The following PINX1 variants were observed in gnomAD, a reference collection of about 807,000 sequenced individuals.
The protein encoded by PINX1 is PIN2 (TERF1) interacting telomerase inhibitor 1.
Under a neutral mutation model 25.4 loss-of-function variants are expected in PINX1, and 34 were observed. The ratio of observed to expected loss-of-function variants is 1.34; its 90% CI spans 1.02 to 1.78. The LOEUF is 1.78. Among genes scored for constraint, PINX1 ranks in the 40% most tolerant of loss-of-function variants. The pLI, the probability that PINX1 is intolerant of heterozygous loss-of-function variation, is 0.00. For missense variants in PINX1, 592 were observed against 404.9 expected, an observed-to-expected ratio of 1.46 and a Z score of -3.97; for synonymous variants, 197 against 147.7, an observed-to-expected ratio of 1.33 and a Z score of -2.42.
rs192646359 is a variant in PINX1, at chr8:10,831,642, C to A, written c.301+23G>T. The A allele has an allele frequency of 7.5e-6, 11 of 1,469,868 alleles. No homozygotes were observed. In the African/African-American group the frequency reaches 1.1e-4, roughly 15 times the overall value. 91.1% of individuals were successfully genotyped at this position (1,469,868 alleles called of 1,614,324 possible). On this transcript the variant is annotated intron_variant, in intron 4 of 6. Coordinates refer to ENST00000314787, the MANE Select transcript of PINX1 (RefSeq NM_017884.6). ...TAGATAAACATATTTGCATTGAGAA[C>A]TTATGTCATCTGATTTCCCTACCTG...
rs143225584 is a variant in PINX1 at position 10,832,925 on chromosome 8, G to C, written c.189C>G (p.Asn63Lys). ...TGATGGTAGCTCCGAGTCCCAGGTG[G>C]TTATTTTTCACTTGAACTTTAATAT... ...TDHIKVQVKN[N>K]HLGLGATINN... The change falls in exon 3 of 7, where the codon AAC becomes AAG. Residue 63 changes from asparagine to lysine, a missense_variant. Transcript: ENST00000314787. 13 of 1,612,114 alleles carry C rather than the reference G, an allele frequency of 8.1e-6. No homozygotes were observed. The highest frequency in any genetic ancestry group is 1.1e-5 in the Non-Finnish European group (13 of 1,178,712).
At chr8:10,800,454 T>C (rs1255820178) in intron 6 of PINX1, among the ~76,000 whole-genome samples, 1 of 151,760 alleles carries the variant, frequency 6.6e-6, no homozygotes. Flanking sequence ...ATTTACATGA[T>C]CTGACTGAGA....
At chr8:10,783,642 G>C (rs10095737) in intron 6 of PINX1, among the ~76,000 whole-genome samples, 17 of 152,172 alleles carry the variant, frequency 1.1e-4, no homozygotes, top group Non-Finnish European at 2.2e-4. Flanking sequence ...TTCCTGATGA[G>C]GTTGTGAACA....
intron 6 of PINX1, among the ~76,000 whole-genome samples, chr8:10,775,260 C>A (rs1801351620): frequency 1.3e-5 from 2 of 152,138 alleles, no homozygotes; most frequent in African/African-American, 2.4e-5. Context: ...TGTTCAGAAT[C>A]CAAAAAGGTT....
chr8:10,818,597 G>A lies in PINX1; in HGVS notation c.471+1596C>T, dbSNP rs554478478. ...GGAGGGCAAAGGCTGGGGGTGGTGG[G>A]TGAGCAGCAGGCAGAAGAGAGGATC... On this transcript the variant is annotated intron_variant, in intron 6 of 6. Transcript: ENST00000314787. 2.2e-4 allele frequency among the ~76,000 whole-genome samples: 34 copies of A among 152,284 alleles called. No homozygotes were observed. The South Asian group carries it at 7.0e-3, about 32-fold the overall frequency.
intron 6 of PINX1, among the ~76,000 whole-genome samples, chr8:10,810,854 G>C (rs1326185719): frequency 2.0e-5 from 3 of 152,252 alleles, no homozygotes; most frequent in Non-Finnish European, 2.9e-5. Flanking sequence ...CAAAATGGCA[G>C]ACAGGAGTCA....
chr8:10,807,065 C>G (rs1023900621), intron 6 of PINX1, among the ~76,000 whole-genome samples: 1 of 152,102 alleles, frequency 6.6e-6, no homozygotes, highest in Non-Finnish European at 1.5e-5. Flanking sequence ...GAAATCCTCC[C>G]TCATGAAGGG....
rs754026759 is a variant in PINX1 at position 10,765,871 on chromosome 8, T to C, written c.517A>G (p.Thr173Ala). The C allele has an allele frequency of 4.2e-5, 68 of 1,613,834 alleles. No individual in the cohort carries two copies. In the Middle Eastern group the frequency reaches 6.6e-4, roughly 16 times the overall value. The change falls in exon 7 of 7, where the codon ACC becomes GCC. Residue 173 changes from threonine to alanine, a missense_variant. Transcript: ENST00000314787. ...TACTCCTGGATGGTGAAGGCGCTGG[T>C]TGTCGTGGTTTCGTTCTCCTCTGGA... Reference protein sequence around the residue: ...STPEENETTTTSAFTIQEYFA... With the variant: ...STPEENETTTASAFTIQEYFA...
At chr8:10,814,914 T>G (rs1318896713) in intron 6 of PINX1, among the ~76,000 whole-genome samples, 3 of 152,206 alleles carry the variant, frequency 2.0e-5, no homozygotes, top group Admixed American at 6.5e-5. Flanking sequence ...AAAGTCCACA[T>G]GTAAAACACA....
At chr8:10,775,810 G>C (rs566471764) in intron 6 of PINX1, among the ~76,000 whole-genome samples, 7 of 152,196 alleles carry the variant, frequency 4.6e-5, no homozygotes, top group Non-Finnish European at 1.0e-4. Flanking sequence ...TTGCAAGACA[G>C]GGAAATAGGG....
chr8:10,817,268 T>G (rs1340280632), intron 6 of PINX1, among the ~76,000 whole-genome samples: 1 of 152,100 alleles, frequency 6.6e-6, no homozygotes, highest in Non-Finnish European at 1.5e-5. Flanking sequence ...ATGCCAAATA[T>G]AAATCCAGAC....
At chr8:10,795,972 G>A (rs1264776677) in intron 6 of PINX1, among the ~76,000 whole-genome samples, 3 of 152,138 alleles carry the variant, frequency 2.0e-5, no homozygotes, top group South Asian at 2.1e-4. Flanking sequence ...TTGCCTAAAG[G>A]TGGTTTAAGA....
intron 6 of PINX1, among the ~76,000 whole-genome samples, chr8:10,782,603 G>C (rs1382550202): frequency 2.0e-5 from 3 of 152,056 alleles, no homozygotes; most frequent in Non-Finnish European, 4.4e-5. Flanking sequence ...GGGCGTGGTG[G>C]CTCACGCCTG....
intron 1 of PINX1, 50 bp from the exon 2 acceptor site, chr8:10,834,825 A>T: frequency 7.6e-7 from 1 of 1,307,614 alleles, no homozygotes; most frequent in African/African-American, 1.5e-5. Context: ...TACCCGGAAA[A>T]TACCACACAA....
chr8:10,798,692 A>C lies in PINX1; in HGVS notation c.471+21501T>G, dbSNP rs150150277. ...CAATTACTTTTGCAACTCTCTCAAA[A>C]GGTAGAGACACCTTTTCTAAATTCA... On this transcript the variant is annotated intron_variant, in intron 6 of 6. Transcript: ENST00000314787. Among the ~76,000 whole-genome samples the C allele has an allele frequency of 1.6e-3, 250 of 152,308 alleles. 1 individual carries two copies. Among genetic ancestry groups the C allele is most frequent in the Non-Finnish European group, 2.2e-3 (148 of 68,032 alleles).
At chr8:10,797,162 T>A (rs1802110234) in intron 6 of PINX1, among the ~76,000 whole-genome samples, 1 of 151,994 alleles carries the variant, frequency 6.6e-6, no homozygotes. Flanking sequence ...TCAGCAGGGG[T>A]CTTCACGCTC....
chr8:10,796,778 A>G (rs560790235), intron 6 of PINX1, among the ~76,000 whole-genome samples: 1 of 152,090 alleles, frequency 6.6e-6, no homozygotes, highest in African/African-American at 2.4e-5. Context: ...ATTAAGTTTT[A>G]GAGATGAACC....
intron 6 of PINX1, among the ~76,000 whole-genome samples, chr8:10,788,589 G>C (rs1801825049): frequency 6.6e-6 from 1 of 152,010 alleles, no homozygotes; most frequent in Non-Finnish European, 1.5e-5. Context: ...AAAAAAAAGT[G>C]AATGTATATC....
intron 6 of PINX1, among the ~76,000 whole-genome samples, chr8:10,780,927 G>C (rs574967204): frequency 1.8e-4 from 28 of 152,204 alleles, no homozygotes; most frequent in Non-Finnish European, 3.8e-4. Context: ...CAAAGCTGGA[G>C]ACACCACACT....
Sources: gnomAD v4.1 joint callset for allele counts (sites outside exome capture counted in the v4.1 genomes callset) on GRCh38, gnomAD v4.1.1 for gene constraint, MANE v1.5 for transcripts, NCBI Gene and HGNC (gene_info 2026-07-23, HGNC 2026-07-21) for gene names.